Variants in NR3C2 observed in about 807,000 individuals in gnomAD.
NR3C2 encodes mineralocorticoid receptor.
In NR3C2, 15 loss-of-function variants were observed where a neutral mutation model predicts 86.4. The ratio of observed to expected loss-of-function variants is 0.17; its 90% confidence interval spans 0.12 to 0.27. The LOEUF (loss-of-function observed/expected upper bound fraction) is 0.27, where lower values mean the gene tolerates loss of function less well. Ranked by LOEUF, NR3C2 falls within the 10% of genes least tolerant of loss-of-function variation. NR3C2 has a pLI of 1.00. For synonymous variants in NR3C2, 458 were observed against 450.5 expected, an observed-to-expected ratio of 1.02 and a Z score of -0.21; for missense variants, 960 against 1,195.6, an observed-to-expected ratio of 0.80 and a Z score of 2.91.
At chr4:148,405,998 T>A (rs1238183641) in intron 2 of NR3C2, among the ~76,000 whole-genome samples, 2 of 151,926 alleles carry the variant, frequency 1.3e-5, no homozygotes, top group African/African-American at 4.8e-5. Flanking sequence ...TTTGGGTTTT[T>A]AAAAAAAAAT....
intron 2 of NR3C2, among the ~76,000 whole-genome samples, chr4:148,428,410 A>G (rs898602041): frequency 1.3e-5 from 2 of 152,182 alleles, no homozygotes; most frequent in African/African-American, 4.8e-5. Flanking sequence ...AAATCTAGAA[A>G]AGACTGAGGA....
At chr4:148,197,268 C>T (rs1736484946) in intron 3 of NR3C2, among the ~76,000 whole-genome samples, 1 of 152,206 alleles carries the variant, frequency 6.6e-6, no homozygotes, top group Admixed American at 6.5e-5. Context: ...TGACAACTGA[C>T]ATTATGTGCC....
At chr4:148,304,168 A>G (rs1742485742) in intron 2 of NR3C2, among the ~76,000 whole-genome samples, 1 of 152,012 alleles carries the variant, frequency 6.6e-6, no homozygotes, top group African/African-American at 2.4e-5. Context: ...CTCTTCACAT[A>G]TAATTGTGTT....
chr4:148,210,085 G>T (rs1254520329), intron 3 of NR3C2, among the ~76,000 whole-genome samples: 2 of 152,060 alleles, frequency 1.3e-5, no homozygotes, highest in Non-Finnish European at 2.9e-5. Flanking sequence ...GGTCTGGATG[G>T]GTCACATTCT....
intron 2 of NR3C2, among the ~76,000 whole-genome samples, chr4:148,426,891 C>T (rs1749562235): frequency 6.6e-6 from 1 of 152,108 alleles, no homozygotes; most frequent in Non-Finnish European, 1.5e-5. Context: ...GCACTTAAAA[C>T]TCATGTAGCC....
intron 2 of NR3C2, among the ~76,000 whole-genome samples, chr4:148,359,602 T>C (rs1186315768): frequency 2.0e-5 from 3 of 152,230 alleles, no homozygotes; most frequent in Non-Finnish European, 2.9e-5. Flanking sequence ...GTATCAGAGT[T>C]TAAAGAGTTT....
rs1311905119 is a variant in NR3C2, at chr4:148,317,260, C to A, written c.1758-57143G>T. Among the ~76,000 whole-genome samples the A allele has an allele frequency of 4.0e-5, 6 of 151,466 alleles. No homozygotes were observed. In the East Asian group the frequency reaches 1.2e-3, roughly 30 times the overall value. On this transcript the variant is annotated intron_variant, in intron 2 of 8. Transcript: ENST00000358102. ...ATCCCAGCTACTTGTGAGGCTGTGG[C>A]AGGAGAATCACTTTAACCCGGGAGG...
intron 2 of NR3C2, among the ~76,000 whole-genome samples, chr4:148,346,170 T>C (rs940201315): frequency 2.0e-5 from 3 of 152,070 alleles, no homozygotes; most frequent in Admixed American, 6.6e-5. Flanking sequence ...GTTTGCACTT[T>C]ATACTAAGGC....
chr4:148,277,879 G>A (rs921768313), intron 2 of NR3C2, among the ~76,000 whole-genome samples: 5 of 152,138 alleles, frequency 3.3e-5, no homozygotes, highest in Admixed American at 1.3e-4. Context: ...AGAAATGCAG[G>A]AGACAGCTCT....
At chr4:148,083,215 C>T (rs950046937) in intron 8 of NR3C2, among the ~76,000 whole-genome samples, 11 of 152,336 alleles carry the variant, frequency 7.2e-5, no homozygotes, top group African/African-American at 2.6e-4. Context: ...CAACACAGCA[C>T]TAGAGTTCTG....
At chr4:148,086,612 T>C (rs1254093849) in intron 8 of NR3C2, among the ~76,000 whole-genome samples, 1 of 152,044 alleles carries the variant, frequency 6.6e-6, no homozygotes, top group Non-Finnish European at 1.5e-5. Flanking sequence ...CATGGTGGCA[T>C]ACACCTGCAA....
chr4:148,106,205 G>A (rs779765520), intron 8 of NR3C2, among the ~76,000 whole-genome samples: 2 of 152,086 alleles, frequency 1.3e-5, no homozygotes, highest in Non-Finnish European at 2.9e-5. Context: ...CACAAGCATT[G>A]CCATACACCA....
At chr4:148,082,243 C>CTACTT (rs1190007302) in intron 8 of NR3C2, among the ~76,000 whole-genome samples, 1 of 152,186 alleles carries the variant, frequency 6.6e-6, no homozygotes, top group Non-Finnish European at 1.5e-5. Flanking sequence ...TGACCTACTC[C>CTACTT]TACTTTATTA....
At chr4:148,279,996 A>C (rs928552641) in intron 2 of NR3C2, among the ~76,000 whole-genome samples, 2 of 152,200 alleles carry the variant, frequency 1.3e-5, no homozygotes, top group African/African-American at 4.8e-5. Flanking sequence ...AAGTACTGGG[A>C]TTACAGGCAT....
At chr4:148,338,252 T>C (rs1401562251) in intron 2 of NR3C2, among the ~76,000 whole-genome samples, 1 of 152,206 alleles carries the variant, frequency 6.6e-6, no homozygotes, top group Non-Finnish European at 1.5e-5. Flanking sequence ...TTCCTGTTAT[T>C]TCTACAGTGT....
chr4:148,168,384 G>A (rs998768543), intron 4 of NR3C2, among the ~76,000 whole-genome samples: 5 of 152,158 alleles, frequency 3.3e-5, no homozygotes, highest in Admixed American at 6.5e-5. Flanking sequence ...AGGACCTCAC[G>A]AAACACCCAA....
Position 148,376,224 on chromosome 4 carries a change from T to A in NR3C2, c.1757+58880A>T, listed in dbSNP as rs72656864. ...TTTTCTCTCTTGCCATAGATGAAAC[T>A]CTTTGGTGTAGAAGGAGAAAGTAAA... On this transcript the variant is annotated intron_variant, in intron 2 of 8. Coordinates refer to ENST00000358102, the MANE Select transcript of NR3C2 (RefSeq NM_000901.5). Among the ~76,000 whole-genome samples, 314 of 149,532 alleles carry A rather than the reference T, an allele frequency of 2.1e-3. 1 individual carries two copies. Among genetic ancestry groups the A allele is most frequent in the African/African-American group, 7.3e-3 (297 of 40,754 alleles).
At chr4:148,322,125 C>T (rs1226635839) in intron 2 of NR3C2, among the ~76,000 whole-genome samples, 1 of 150,494 alleles carries the variant, frequency 6.6e-6, no homozygotes, top group Non-Finnish European at 1.5e-5. Flanking sequence ...TTTTATTTCT[C>T]CTTCACTTAT....
chr4:148,368,987 C>G, intron 2 of NR3C2, among the ~76,000 whole-genome samples: 1 of 152,174 alleles, frequency 6.6e-6, no homozygotes, highest in African/African-American at 2.4e-5. Flanking sequence ...TCTAGCTCCC[C>G]TCTTCTACCC....
Sources: gnomAD v4.1 joint callset for allele counts (sites outside exome capture counted in the v4.1 genomes callset) on GRCh38, gnomAD v4.1.1 for gene constraint, MANE v1.5 for transcripts, NCBI Gene and HGNC (gene_info 2026-07-23, HGNC 2026-07-21) for gene names.